YIPF3: variants seen among roughly 807,000 people sequenced by gnomAD.
YIPF3 encodes the protein Yip1 domain family member 3.
Under a neutral mutation model 40.3 loss-of-function variants are expected in YIPF3, and 18 were observed. The observed-to-expected ratio is 0.45, with a 90% CI of 0.31 to 0.66. The LOEUF (loss-of-function observed/expected upper bound fraction) is 0.66, where lower values mean the gene tolerates loss of function less well. Ranked by LOEUF, YIPF3 falls within the 30% of genes least tolerant of loss-of-function variation. The pLI is 0.07. For synonymous variants in YIPF3, 190 were observed against 179.6 expected (o/e 1.06, Z -0.46); for missense variants, 406 against 452.2 (o/e 0.90, Z 0.93).
In YIPF3 at chr6:43,511,840, TTCAA is replaced by T; in HGVS notation, c.*323_*326del. 3.2e-6 allele frequency: 1 copy of T among 309,698 alleles called. No individual in the cohort carries two copies. The highest frequency in any genetic ancestry group is 6.0e-6 in the Non-Finnish European group (1 of 165,344). The allele number at this position is 309,698 out of a possible 1,614,324, so 19.2% of individuals were successfully genotyped here. ...TGGATCAGCCGCTGCAGTTCCAGAC[TTCAA>T]TCAACATTTTAATTACCAAGTCTAT... On this transcript the variant is annotated 3_prime_UTR_variant, in exon 9 of 9. Transcript: ENST00000372422.
At chr6:43,514,450 T>C (rs1326185200) in intron 3 of YIPF3, among the ~76,000 whole-genome samples, 2 of 152,192 alleles carry the variant, frequency 1.3e-5, no homozygotes, top group Non-Finnish European at 2.9e-5. Flanking sequence ...TCTTGAAAAA[T>C]ATATGTGAAG....
In YIPF3 at chr6:43,516,602, G is replaced by A. The variant is rs1792841699; in HGVS notation, c.81+125C>T. The A allele has an allele frequency of 2.6e-6, 3 of 1,133,768 alleles. No individual in the cohort carries two copies. The South Asian group carries it at 4.3e-5, about 16-fold the overall frequency. The allele number at this position is 1,133,768 out of a possible 1,614,324, so 70.2% of individuals were successfully genotyped here. On this transcript the variant is annotated intron_variant, in intron 1 of 8. Transcript: ENST00000372422. ...TAATCCCACTGACTTTAGTGTGCAC[G>A]AAGACCCAAAGAAGAGAGTTTTGTA...
chr6:43,513,776 G>A (rs1561853209), intron 3 of YIPF3, 143 bp from the exon 4 acceptor site: 12 of 735,070 alleles, frequency 1.6e-5, no homozygotes, highest in Non-Finnish European at 2.1e-5. Context: ...GTAGAACAGG[G>A]TAGTAAAGAC....
In YIPF3 at chr6:43,516,051, G is replaced by A. The variant is rs748564675; in HGVS notation, c.126C>T (p.Thr42=). Residue 42 remains threonine (T), a synonymous_variant, in exon 2 of 9, where the codon ACC becomes ACT. Transcript: ENST00000372422. Reference sequence around the variant, plus strand: ...CCATATCCTCGAAGCTAGAGCCTGAGGTATCATCCATGTTCTCCATGTCAA... The same window carrying A: ...CCATATCCTCGAAGCTAGAGCCTGAAGTATCATCCATGTTCTCCATGTCAA... ...AVIDMENMDD[T]SGSSFEDMGE... is the part of the protein sequence containing the mutation. 1.9e-6 allele frequency: 3 copies of A among 1,614,234 alleles called. No homozygotes were observed. Among genetic ancestry groups the A allele is most frequent in the African/African-American group, 1.3e-5 (1 of 75,054 alleles).
chr6:43,513,495 C>T (rs1792712911), intron 4 of YIPF3, 44 bp from the exon 5 acceptor site: 2 of 1,612,968 alleles, frequency 1.2e-6, no homozygotes, highest in African/African-American at 1.3e-5. Flanking sequence ...TACAACAGCT[C>T]ATCTGTTTAT....
chr6:43,516,878 CGGAA>C lies in YIPF3; in HGVS notation c.-75_-72del, dbSNP rs1792855296. 6.6e-7 allele frequency: 1 copy of C among 1,505,600 alleles called. No individual in the cohort carries two copies. Among genetic ancestry groups the C allele is most frequent in the Non-Finnish European group, 9.0e-7 (1 of 1,105,640 alleles). The allele number at this position is 1,505,600 out of a possible 1,614,324, so 93.3% of individuals were successfully genotyped here. ...GCGGAGTGGGCAAGATGTGGGCCTC[CGGAA>C]GGTAGACGTCCAGGGTCGAGGAGAG... On this transcript the variant is annotated 5_prime_UTR_variant, in exon 1 of 9. Transcript: ENST00000372422.
intron 8 of YIPF3, 36 bp downstream of exon 8, chr6:43,512,404 C>T (rs1318192170): frequency 6.2e-7 from 1 of 1,614,070 alleles, no homozygotes; most frequent in East Asian, 2.2e-5. Context: ...CAGCTGCTTT[C>T]CCATTCTCCC....
rs1044822601 is a variant in YIPF3 at position 43,513,167 on chromosome 6, T to C, written c.568A>G (p.Thr190Ala). Residue 190 changes from threonine (T) to alanine (A), a missense_variant, in exon 6 of 9, where the codon ACC becomes GCC. Physicochemically the swap from Thr to Ala is moderately conservative, Grantham distance 58. Transcript: ENST00000372422. ...ACTCCCAGCCAGTAGCCGAAGCAGG[T>C]GCCAATGGCTGTGCCCATCAGGGTG... ...EGTLMGTAIGTCFGYWLGVSS... is the reference protein window; with the variant it reads ...EGTLMGTAIGACFGYWLGVSS... The C allele has an allele frequency of 1.2e-6, 2 of 1,614,066 alleles. No individual in the cohort carries two copies. The highest frequency in any genetic ancestry group is 8.5e-7 in the Non-Finnish European group (1 of 1,180,036).
At chr6:43,513,258 G>T (rs1389685777) in intron 5 of YIPF3, 58 bp from the exon 6 acceptor site, 2 of 1,613,270 alleles carry the variant, frequency 1.2e-6, no homozygotes, top group Non-Finnish European at 1.7e-6. Context: ...CCTCACCTAG[G>T]GCCTTCCGCA....
At chr6:43,515,235 G>A (rs773992671) in intron 3 of YIPF3, 286 of 459,492 alleles carry the variant, frequency 6.2e-4, no homozygotes, top group Non-Finnish European at 1.1e-3. Flanking sequence ...CTTGTGATCC[G>A]CCCGCCTCGG....
In YIPF3 at chr6:43,516,921, G is replaced by A. The variant is rs1398700912; in HGVS notation, c.-114C>T. 3.0e-6 allele frequency: 4 copies of A among 1,315,118 alleles called. No individual in the cohort carries two copies. The highest frequency in any genetic ancestry group is 4.3e-6 in the Non-Finnish European group (4 of 935,280). The allele number at this position is 1,315,118 out of a possible 1,614,324, so 81.5% of individuals were successfully genotyped here. Reference sequence around the variant, plus strand: ...GGTCGAGGAGAGGTGGGATCGGCCGGAACACAAAAAGGAGAAGCCCGGATG... The same window carrying A: ...GGTCGAGGAGAGGTGGGATCGGCCGAAACACAAAAAGGAGAAGCCCGGATG... On this transcript the variant is annotated 5_prime_UTR_variant, in exon 1 of 9. Transcript: ENST00000372422.
intron 3 of YIPF3, chr6:43,513,952 G>A (rs1792722209): frequency 4.2e-6 from 1 of 240,478 alleles, no homozygotes; most frequent in African/African-American, 2.2e-5. Flanking sequence ...CCCTTGAAAA[G>A]ACAGGCAGGC....
chr6:43,515,093 G>C (rs907053775), intron 3 of YIPF3: 8 of 344,642 alleles, frequency 2.3e-5, no homozygotes, highest in Non-Finnish European at 4.0e-5. Flanking sequence ...CCGCCTCCCA[G>C]GTTCATGCCA....
intron 6 of YIPF3, 33 bp from the exon 7 acceptor site, chr6:43,512,907 T>G (rs1792702619): frequency 6.2e-7 from 1 of 1,607,018 alleles, no homozygotes; most frequent in South Asian, 1.1e-5. Flanking sequence ...GGAAAATCAT[T>G]CAGGTTGGGC....
In YIPF3 at chr6:43,516,812, C is replaced by G. The variant is rs915169069; in HGVS notation, c.-5G>C. 4 of 1,568,176 alleles carry G rather than the reference C, an allele frequency of 2.6e-6. No homozygotes were observed. The African/African-American group carries it at 5.4e-5, about 21-fold the overall frequency. On this transcript the variant is annotated 5_prime_UTR_variant, in exon 1 of 9. Transcript: ENST00000372422. ...CGGCGCCGCTGTAGTTGCCATGTCC[C>G]TTGAGGGCTCCCGTCGCTGAAACCC...
chr6:43,515,784 G>C (rs1233521273), intron 2 of YIPF3, 83 bp from the exon 3 acceptor site: 10 of 1,600,580 alleles, frequency 6.2e-6, no homozygotes, highest in Non-Finnish European at 8.6e-6. Context: ...ATTTCTACAT[G>C]GTTCTAACTG....
intron 4 of YIPF3, 59 bp downstream of exon 4, chr6:43,513,529 G>C (rs1376969389): frequency 6.2e-7 from 1 of 1,608,150 alleles, no homozygotes; most frequent in Non-Finnish European, 8.5e-7. Flanking sequence ...TTGCCTGGTG[G>C]TCCCACCCTC....
chr6:43,515,410 T>TA, intron 3 of YIPF3, 185 bp downstream of exon 3: 1 of 693,134 alleles, frequency 1.4e-6, no homozygotes. Flanking sequence ...AGTAGTCAGT[T>TA]AGATGGAAAA....
chr6:43,515,126 G>C, intron 3 of YIPF3: 1 of 363,642 alleles, frequency 2.7e-6, no homozygotes, highest in South Asian at 2.0e-5. Flanking sequence ...AGCCTCCCGA[G>C]TAGCTGGGAC....
Sources: allele counts gnomAD v4.1 joint callset (sites outside exome capture counted in the v4.1 genomes callset), GRCh38; gene constraint gnomAD v4.1.1; transcripts MANE v1.5; gene names NCBI Gene and HGNC (gene_info 2026-07-23, HGNC 2026-07-21).